Variants in FHOD3 observed in about 807,000 individuals in gnomAD.
The protein encoded by FHOD3 is FH1/FH2 domain-containing protein 3.
In FHOD3, 90 loss-of-function variants were observed where a neutral mutation model predicts 173.0. The observed-to-expected ratio is 0.52, with a 90% CI of 0.44 to 0.62. The LOEUF (loss-of-function observed/expected upper bound fraction) is 0.62, where lower values mean the gene tolerates loss of function less well. FHOD3 is among the 20% of genes least tolerant of loss of function. The pLI is 0.00. For missense variants in FHOD3, 1,945 were observed against 2,034.7 expected (o/e 0.96, Z 0.85); for synonymous variants, 828 against 823.0 (o/e 1.01, Z -0.10).
chr18:36,700,200 T>C (rs1220855991), intron 17 of FHOD3, among the ~76,000 whole-genome samples: 1 of 152,088 alleles, frequency 6.6e-6, no homozygotes, highest in Non-Finnish European at 1.5e-5. Flanking sequence ...CTACCTCCCA[T>C]ATGCCTTGAA....
At chr18:36,724,802 A>C (rs780746173) in intron 19 of FHOD3, among the ~76,000 whole-genome samples, 1 of 152,204 alleles carries the variant, frequency 6.6e-6, no homozygotes. Flanking sequence ...TCTTTCCTCC[A>C]GGGGAGAAGG....
At chr18:36,673,656 G>A (rs1261510417) in intron 14 of FHOD3, among the ~76,000 whole-genome samples, 4 of 152,034 alleles carry the variant, frequency 2.6e-5, no homozygotes, top group South Asian at 2.1e-4. Context: ...GGGGTTCCTC[G>A]ATCTGTCCTC....
intron 1 of FHOD3, among the ~76,000 whole-genome samples, chr18:36,321,747 G>T (rs75313025): frequency 3.3e-5 from 5 of 152,176 alleles, no homozygotes; most frequent in African/African-American, 1.2e-4. Flanking sequence ...CCCTCCGTGC[G>T]TGGTGCTATT....
At chr18:36,710,647 AGT>A (rs1418253287) in intron 18 of FHOD3, 1 of 152,226 alleles carries the variant, frequency 6.6e-6, no homozygotes, top group Non-Finnish European at 1.5e-5. Flanking sequence ...AGACTTTATT[AGT>A]TTACATCTTA....
intron 27 of FHOD3, among the ~76,000 whole-genome samples, chr18:36,763,664 AATAT>A (rs768584433): frequency 1.3e-5 from 2 of 149,248 alleles, no homozygotes; most frequent in Admixed American, 6.7e-5. Flanking sequence ...CGTTATATAT[AATAT>A]ATATGTATTA....
intron 5 of FHOD3, among the ~76,000 whole-genome samples, chr18:36,570,560 C>A (rs1384551531): frequency 6.6e-6 from 1 of 151,982 alleles, no homozygotes; most frequent in Non-Finnish European, 1.5e-5. Context: ...GTCAGTATTA[C>A]CATGGTATGA....
rs1033484467 is a variant in FHOD3 at position 36,653,500 on chromosome 18, A to G, written c.1721+84A>G. The G allele has an allele frequency of 4.1e-6, 4 of 981,142 alleles. No homozygotes were observed. The African/African-American group carries it at 6.6e-5, about 16-fold the overall frequency. 60.8% of individuals were successfully genotyped at this position (981,142 alleles called of 1,614,324 possible). ...TGCATTTTTCTTTTCAAAGAATGCT[A>G]ATATCTTCCTACAACGTGACACACA... is the stretch of plus-strand genomic sequence containing the variant. On this transcript the variant is annotated intron_variant, in intron 13 of 28. Coordinates refer to ENST00000590592, the MANE Select transcript of FHOD3 (RefSeq NM_001281740.3).
At chr18:36,439,882 C>T (rs1184487029) in intron 3 of FHOD3, among the ~76,000 whole-genome samples, 2 of 152,112 alleles carry the variant, frequency 1.3e-5, no homozygotes, top group African/African-American at 4.8e-5. Flanking sequence ...TCTATGTGGT[C>T]CCTCAATGGA....
intron 5 of FHOD3, among the ~76,000 whole-genome samples, chr18:36,575,832 A>G (rs1251364221): frequency 1.3e-5 from 2 of 152,240 alleles, no homozygotes; most frequent in Admixed American, 6.5e-5. Context: ...TGGTGACTAT[A>G]TATTTTCCTA....
chr18:36,342,900 C>T (rs960595890), intron 1 of FHOD3, among the ~76,000 whole-genome samples: 1 of 152,096 alleles, frequency 6.6e-6, no homozygotes, highest in Admixed American at 6.5e-5. Flanking sequence ...TATATACATG[C>T]CCAGTAAATA....
At chr18:36,325,809 G>A (rs1006455447) in intron 1 of FHOD3, among the ~76,000 whole-genome samples, 1 of 152,214 alleles carries the variant, frequency 6.6e-6, no homozygotes, top group Non-Finnish European at 1.5e-5. Flanking sequence ...AAGGACAGAT[G>A]TAAATTAGTG....
rs573597033 is a variant in FHOD3, at chr18:36,499,316, C to T, written c.338-2616C>T. On this transcript the variant is annotated intron_variant, in intron 3 of 28. Transcript: ENST00000590592. Reference sequence around the variant, plus strand: ...ACGGGCTTTCACCATGTTGACCAGACTGGTCTTGAACTCCTGACCTCAAGT... The same window carrying T: ...ACGGGCTTTCACCATGTTGACCAGATTGGTCTTGAACTCCTGACCTCAAGT... 3.9e-5 allele frequency among the ~76,000 whole-genome samples: 6 copies of T among 152,230 alleles called. No homozygotes were observed. The South Asian group carries it at 1.0e-3, about 26-fold the overall frequency.
At chr18:36,553,986 A>T (rs2057769425) in intron 5 of FHOD3, among the ~76,000 whole-genome samples, 1 of 152,234 alleles carries the variant, frequency 6.6e-6, no homozygotes, top group Non-Finnish European at 1.5e-5. Context: ...GTCAGGAAAC[A>T]GTAGGTGCTG....
chr18:36,658,337 C>T (rs923122489), intron 14 of FHOD3, 149 bp downstream of exon 14: 3 of 573,478 alleles, frequency 5.2e-6, no homozygotes, highest in East Asian at 3.5e-5. Context: ...GGAATATTTT[C>T]TCTTTCTTTC....
intron 11 of FHOD3, among the ~76,000 whole-genome samples, chr18:36,651,550 C>G (rs375513090): frequency 6.6e-6 from 1 of 152,042 alleles, no homozygotes; most frequent in South Asian, 2.1e-4. Context: ...GTCAGGAGTT[C>G]GAGTCCAGCT....
intron 5 of FHOD3, among the ~76,000 whole-genome samples, chr18:36,519,989 T>G (rs2146542332): frequency 6.6e-6 from 1 of 150,900 alleles, no homozygotes; most frequent in African/African-American, 2.4e-5. Flanking sequence ...GATGTAGTTT[T>G]AGTCTATCAC....
At chr18:36,749,843 TG>T (rs2042324817) in intron 24 of FHOD3, among the ~76,000 whole-genome samples, 1 of 152,236 alleles carries the variant, frequency 6.6e-6, no homozygotes, top group African/African-American at 2.4e-5. Context: ...CACCAACATC[TG>T]TTATTTTTTG....
At chr18:36,542,165 G>A (rs932099822) in intron 5 of FHOD3, among the ~76,000 whole-genome samples, 8 of 152,186 alleles carry the variant, frequency 5.3e-5, no homozygotes, top group Admixed American at 1.3e-4. Context: ...TCTTTGGAGA[G>A]TGAGTACCAT....
intron 3 of FHOD3, among the ~76,000 whole-genome samples, chr18:36,440,641 G>A (rs1396077293): frequency 6.6e-6 from 1 of 152,226 alleles, no homozygotes; most frequent in Non-Finnish European, 1.5e-5. Context: ...CTTGAGGCAG[G>A]AGTGGTGGAG....
Sources: gnomAD v4.1 joint callset for allele counts (sites outside exome capture counted in the v4.1 genomes callset) on GRCh38, gnomAD v4.1.1 for gene constraint, MANE v1.5 for transcripts, NCBI Gene and HGNC (gene_info 2026-07-23, HGNC 2026-07-21) for gene names.